SNX3: variants seen among roughly 807,000 people sequenced by gnomAD.
The protein encoded by SNX3 is sorting nexin 3.
A neutral mutation model predicts 17.7 loss-of-function variants in SNX3; 5 were observed. That is an observed-to-expected ratio of 0.28 (90% CI 0.15 to 0.59). SNX3 has a LOEUF of 0.59. SNX3 is among the 20% of genes least tolerant of loss of function. SNX3 has a pLI of 0.88. For synonymous variants in SNX3, 91 were observed against 76.5 expected (o/e 1.19, Z -0.99); for missense variants, 132 against 206.8 (o/e 0.64, Z 2.22).
chr6:108,225,848 A>G (rs1486152073), intron 1 of SNX3, among the ~76,000 whole-genome samples: 3 of 151,846 alleles, frequency 2.0e-5, no homozygotes, highest in Non-Finnish European at 2.9e-5. Flanking sequence ...CCTGGGAAAC[A>G]TAAGAAGATT....
At chr6:108,217,466 A>G (rs1774622777) in intron 2 of SNX3, among the ~76,000 whole-genome samples, 1 of 152,130 alleles carries the variant, frequency 6.6e-6, no homozygotes, top group Non-Finnish European at 1.5e-5. Flanking sequence ...CTGGAATTCT[A>G]ACACCAGGTT....
chr6:108,238,477 C>A lies in SNX3; in HGVS notation c.163-15432G>T, dbSNP rs541746173. 3.9e-5 allele frequency among the ~76,000 whole-genome samples: 6 copies of A among 152,168 alleles called. No homozygotes were observed. In the East Asian group the frequency reaches 9.7e-4, roughly 24 times the overall value. On this transcript the variant is annotated intron_variant, in intron 1 of 3. Transcript: ENST00000230085. ...TACACCACTACATATCAAAAGTGTT[C>A]ATGAGAGCCAGGTGCGGTGGCATGT...
chr6:108,255,274 T>C (rs1283789320), intron 1 of SNX3, among the ~76,000 whole-genome samples: 2 of 152,202 alleles, frequency 1.3e-5, no homozygotes, highest in African/African-American at 4.8e-5. Context: ...ACAGACAACA[T>C]CTCATTGGCC....
chr6:108,213,384 G>C (rs1774465838), intron 3 of SNX3, among the ~76,000 whole-genome samples: 2 of 152,116 alleles, frequency 1.3e-5, no homozygotes, highest in South Asian at 4.1e-4. Flanking sequence ...AGGCGTGGTG[G>C]CTCATGCTTG....
At chr6:108,229,920 G>C (rs190631862) in intron 1 of SNX3, among the ~76,000 whole-genome samples, 61 of 152,238 alleles carry the variant, frequency 4.0e-4, no homozygotes, top group East Asian at 2.1e-3. Flanking sequence ...TGATAGCTAT[G>C]AACAGAAAAA....
intron 1 of SNX3, among the ~76,000 whole-genome samples, chr6:108,234,477 AGAGGCGGAGGTTGCG>A (rs1013811817): frequency 2.5e-4 from 38 of 152,120 alleles, no homozygotes; most frequent in Non-Finnish European, 4.6e-4. Flanking sequence ...CTTGAACCCA[AGAGGCGGAGGTTGCG>A]GTGAGCCAAA....
At chr6:108,222,437 C>A in intron 2 of SNX3, 1 of 1,001,716 alleles carries the variant, frequency 1.0e-6, no homozygotes. Flanking sequence ...TTGCCGGCAG[C>A]AACCCATTAG....
rs1774411856 is a variant in SNX3, at chr6:108,211,783, A to AAT, written c.*364_*365dup. On this transcript the variant is annotated 3_prime_UTR_variant, in exon 4 of 4. Coordinates refer to ENST00000230085, the MANE Select transcript of SNX3 (RefSeq NM_003795.6). The stretch of plus-strand genomic sequence containing the variant: ...TCACAAATTAAAAGGGGGAAAGAGA[A>AAT]ATATTCTAGTTAATCAGATGCAAGA... 1 of 181,070 alleles carries AAT rather than the reference A, an allele frequency of 5.5e-6. No individual in the cohort carries two copies. Among genetic ancestry groups the AAT allele is most frequent in the Non-Finnish European group, 1.1e-5 (1 of 87,262 alleles). The allele number at this position is 181,070 out of a possible 1,614,324, so 11.2% of individuals were successfully genotyped here.
intron 2 of SNX3, among the ~76,000 whole-genome samples, chr6:108,220,211 T>G (rs1774713263): frequency 6.6e-6 from 1 of 152,302 alleles, no homozygotes; most frequent in South Asian, 2.1e-4. Flanking sequence ...TGTACAGTGT[T>G]TATAAAGCCT....
chr6:108,234,238 C>A (rs1582488125), intron 1 of SNX3, among the ~76,000 whole-genome samples: 1 of 148,182 alleles, frequency 6.7e-6, no homozygotes, highest in East Asian at 2.0e-4. Flanking sequence ...ATATAAAAAA[C>A]ATATATATAT....
intron 1 of SNX3, chr6:108,252,550 C>T (rs1490453989): frequency 6.6e-6 from 1 of 152,214 alleles, no homozygotes; most frequent in Non-Finnish European, 1.5e-5. Context: ...AATGATGACC[C>T]TTGATCCCAT....
intron 1 of SNX3, among the ~76,000 whole-genome samples, chr6:108,238,341 G>A (rs890027434): frequency 6.6e-6 from 1 of 152,154 alleles, no homozygotes; most frequent in Non-Finnish European, 1.5e-5. Context: ...TTCTGTAAGA[G>A]AGTACATAAT....
chr6:108,249,033 A>G (rs780109507), intron 1 of SNX3, among the ~76,000 whole-genome samples: 1 of 152,230 alleles, frequency 6.6e-6, no homozygotes, highest in Non-Finnish European at 1.5e-5. Flanking sequence ...GCACATTGCC[A>G]TATTACATAG....
Position 108,211,474 on chromosome 6 carries a change from C to T in SNX3, c.*675G>A, listed in dbSNP as rs890098323. The T allele has an allele frequency of 3.3e-5, 5 of 152,396 alleles. No homozygotes were observed. The highest frequency in any genetic ancestry group is 1.2e-4 in the African/African-American group (5 of 41,432). 9.4% of individuals were successfully genotyped at this position (152,396 alleles called of 1,614,324 possible). A position where few individuals can be genotyped will look rare whatever the true frequency, so the allele number is the denominator to read the frequency against. ...TCTCAACAAGTGACTTAAGTAGTCA[C>T]TCATAGAGAGCAAAAAAAGCTGGAG... is the stretch of plus-strand genomic sequence containing the variant. On this transcript the variant is annotated 3_prime_UTR_variant, in exon 4 of 4. Coordinates refer to ENST00000230085, the MANE Select transcript of SNX3 (RefSeq NM_003795.6).
At chr6:108,226,877 A>C (rs112812949) in intron 1 of SNX3, among the ~76,000 whole-genome samples, 1 of 152,324 alleles carries the variant, frequency 6.6e-6, no homozygotes, top group Non-Finnish European at 1.5e-5. Context: ...ACCAAATCTC[A>C]CAAGAGATTT....
chr6:108,258,452 C>T (rs1297142777), intron 1 of SNX3, among the ~76,000 whole-genome samples: 6 of 142,908 alleles, frequency 4.2e-5, no homozygotes, highest in South Asian at 2.2e-4. Flanking sequence ...AGCGAGACTC[C>T]GTCTCAAAAA....
At chr6:108,250,618 AAAGTC>A (rs1249549203) in intron 1 of SNX3, among the ~76,000 whole-genome samples, 1 of 152,204 alleles carries the variant, frequency 6.6e-6, no homozygotes, top group East Asian at 1.9e-4. Flanking sequence ...GATAACCAGT[AAAGTC>A]AAGACAAGAG....
chr6:108,216,431 C>T (rs1774579882), intron 2 of SNX3, among the ~76,000 whole-genome samples: 1 of 152,176 alleles, frequency 6.6e-6, no homozygotes, highest in Admixed American at 6.5e-5. Flanking sequence ...GGAAAACCAT[C>T]AATCTATCAT....
At chr6:108,227,815 G>GT (rs76937863) in intron 1 of SNX3, among the ~76,000 whole-genome samples, 2,053 of 145,184 alleles carry the variant, frequency 0.014, 40 homozygotes, top group Middle Eastern at 0.055. Context: ...CAAAATGTGG[G>GT]TTTTTTTTTT....
Sources: gnomAD v4.1 joint callset for allele counts (sites outside exome capture counted in the v4.1 genomes callset) on GRCh38, gnomAD v4.1.1 for gene constraint, MANE v1.5 for transcripts, NCBI Gene and HGNC (gene_info 2026-07-23, HGNC 2026-07-21) for gene names.